Variants in COL4A3 observed in about 807,000 individuals in gnomAD.
The protein encoded by COL4A3 is collagen type IV alpha 3 chain.
A neutral mutation model predicts 217.4 loss-of-function variants in COL4A3; 135 were observed. That is an observed-to-expected ratio of 0.62 (90% CI 0.54 to 0.72). COL4A3 has a LOEUF of 0.72. Among genes scored for constraint, COL4A3 ranks in the 30% least tolerant of loss-of-function variants. The probability of loss-of-function intolerance (pLI) is 0.00; values close to 1 mark genes in which losing one functional copy is unlikely to be tolerated. For synonymous variants in COL4A3, 690 were observed against 736.3 expected (o/e 0.94, Z 1.02); for missense variants, 1,868 against 2,119.9 (o/e 0.88, Z 2.33).
At chr2:227,302,275 T>C (rs1272439802) in intron 43 of COL4A3, among the ~76,000 whole-genome samples, 1 of 152,212 alleles carries the variant, frequency 6.6e-6, no homozygotes, top group East Asian at 1.9e-4. Flanking sequence ...CCTACCATCA[T>C]GATCAAGTGT....
chr2:227,311,646 G>A (rs2073745181), intron 51 of COL4A3, 140 bp from the exon 52 acceptor site: 1 of 722,998 alleles, frequency 1.4e-6, no homozygotes, highest in East Asian at 3.0e-5. Flanking sequence ...CCAAATTGCT[G>A]GGATTACAGG....
At chr2:227,264,584 A>G (rs1213313913) in intron 21 of COL4A3, 1 of 155,406 alleles carries the variant, frequency 6.4e-6, no homozygotes, top group African/African-American at 2.4e-5. Context: ...GCATCCCTCT[A>G]GAGAGCCACT....
rs2106151987 is a variant in COL4A3, at chr2:227,280,546, G to A, written c.2330G>A (p.Gly777Asp). 1 of 1,614,116 alleles carries A rather than the reference G, an allele frequency of 6.2e-7. No homozygotes were observed. Among genetic ancestry groups the A allele is most frequent in the South Asian group, 1.1e-5 (1 of 91,068 alleles). Residue 777 changes from glycine to aspartate, a missense_variant, in exon 30 of 52, where the codon GGT (glycine) becomes GAT (aspartate). This residue lies in a region of COL4A3 where 1,503 missense variants were observed against 1,786.1 expected (regional missense o/e 0.84). Transcript: ENST00000396578. ...GAAATTGGACTCCCTGGACTTCCAG[G>A]TCTCCCTGGAACTCCAGGAAATGAA... ...HGEIGLPGLP[G>D]LPGTPGNEGL...
At chr2:227,184,985 T>C (rs943847195) in intron 1 of COL4A3, among the ~76,000 whole-genome samples, 7 of 136,918 alleles carry the variant, frequency 5.1e-5, no homozygotes, top group Non-Finnish European at 1.1e-4. Context: ...CACTGCAAGC[T>C]CCGCCTCCCA....
intron 44 of COL4A3, 46 bp downstream of exon 44, chr2:227,303,156 C>T: frequency 1.3e-6 from 2 of 1,511,774 alleles, no homozygotes; most frequent in Non-Finnish European, 1.8e-6. Context: ...ACCATAACCT[C>T]AATTCATATT....
rs182205024 is a variant in COL4A3, at chr2:227,176,432, T to C, written c.87+11619T>C. ...AGCATTTTGGTATTAATTATTGCGG[T>C]GAGATCATGACTTTAAAACTCGTAA... On this transcript the variant is annotated intron_variant, in intron 1 of 51. Transcript: ENST00000396578. 8.9e-3 allele frequency among the ~76,000 whole-genome samples: 1,348 copies of C among 152,316 alleles called. 13 individuals are homozygous for C. Among genetic ancestry groups the C allele is most frequent in the African/African-American group, 0.03 (1,260 of 41,562 alleles).
rs2066780130 is a variant in COL4A3 at position 227,202,865 on chromosome 2, A to ATACGTG, written c.88-35101_88-35100insCGTGTA. On this transcript the variant is annotated intron_variant, in intron 1 of 51. Coordinates refer to ENST00000396578, the MANE Select transcript of COL4A3 (RefSeq NM_000091.5). Reference sequence around the variant, plus strand: ...TATATACATATGTGTATATATACATATATGTGTATATATACATATGTGTAT... The same window carrying ATACGTG: ...TATATACATATGTGTATATATACATATACGTGTATGTGTATATATACATATGTGTAT... Among the ~76,000 whole-genome samples, 7 of 42,152 alleles carry ATACGTG rather than the reference A, an allele frequency of 1.7e-4. 1 individual carries two copies. Among genetic ancestry groups the ATACGTG allele is most frequent in the South Asian group, 8.9e-4 (1 of 1,120 alleles). The allele number at this position is 42,152 out of a possible 152,430, so 27.7% of individuals were successfully genotyped here.
chr2:227,181,001 G>A (rs935334392), intron 1 of COL4A3, among the ~76,000 whole-genome samples: 6 of 152,184 alleles, frequency 3.9e-5, no homozygotes, highest in Admixed American at 2.6e-4. Flanking sequence ...GGACTATCCC[G>A]ATTAAAAAAT....
At chr2:227,199,991 A>G (rs2066623135) in intron 1 of COL4A3, among the ~76,000 whole-genome samples, 1 of 152,226 alleles carries the variant, frequency 6.6e-6, no homozygotes, top group Non-Finnish European at 1.5e-5. Flanking sequence ...GTAGACATGT[A>G]TGGTTTGACC....
At chr2:227,186,695 AG>A (rs565845524) in intron 1 of COL4A3, among the ~76,000 whole-genome samples, 138 of 141,082 alleles carry the variant, frequency 9.8e-4, no homozygotes, top group Middle Eastern at 7.4e-3. Flanking sequence ...TCTGTTTTTG[AG>A]GGGGTATTCT....
intron 41 of COL4A3, among the ~76,000 whole-genome samples, chr2:227,296,725 A>G: frequency 6.6e-6 from 1 of 152,236 alleles, no homozygotes. Flanking sequence ...AGCATAAATT[A>G]CAGGCATTAA....
intron 1 of COL4A3, among the ~76,000 whole-genome samples, chr2:227,196,265 C>T (rs1431873541): frequency 6.6e-6 from 1 of 152,190 alleles, no homozygotes. Flanking sequence ...TAGCAACTTC[C>T]AGTCCTGCAA....
At chr2:227,202,933 G>C (rs1318963112) in intron 1 of COL4A3, among the ~76,000 whole-genome samples, 1 of 26,294 alleles carries the variant, frequency 3.8e-5, no homozygotes, top group Non-Finnish European at 6.1e-5. Flanking sequence ...GTGTATATAT[G>C]TGTATATATG....
chr2:227,203,795 A>G (rs990714897), intron 1 of COL4A3, among the ~76,000 whole-genome samples: 2 of 150,604 alleles, frequency 1.3e-5, no homozygotes, highest in African/African-American at 2.4e-5. Flanking sequence ...GTGTATATAT[A>G]TACACTACAG....
intron 36 of COL4A3, among the ~76,000 whole-genome samples, chr2:227,290,331 C>A (rs1397561250): frequency 6.6e-6 from 1 of 152,162 alleles, no homozygotes; most frequent in Non-Finnish European, 1.5e-5. Context: ...AACCCCATCT[C>A]TACTAAAGAT....
intron 1 of COL4A3, among the ~76,000 whole-genome samples, chr2:227,166,452 G>C (rs986168953): frequency 6.6e-6 from 1 of 152,226 alleles, no homozygotes; most frequent in African/African-American, 2.4e-5. Context: ...TAGAAGAACA[G>C]GAATGAGATT....
chr2:227,244,807 T>A, intron 4 of COL4A3, 144 bp from the exon 5 acceptor site: 1 of 861,728 alleles, frequency 1.2e-6, no homozygotes, highest in Non-Finnish European at 2.0e-6. Flanking sequence ...ACCTTTAGTA[T>A]TTGTTTTCCC....
At chr2:227,257,735 G>T in intron 18 of COL4A3, 91 bp downstream of exon 18, 1 of 1,105,838 alleles carries the variant, frequency 9.0e-7, no homozygotes, top group Non-Finnish European at 1.4e-6. Context: ...CTCATTAACT[G>T]TGTGAGAGAG....
chr2:227,248,547 T>A, intron 9 of COL4A3, 27 bp downstream of exon 9: 2 of 1,510,040 alleles, frequency 1.3e-6, no homozygotes, highest in South Asian at 2.2e-5. Context: ...AAGGTCCCTA[T>A]TATTCTCAGT....
Sources: gnomAD v4.1 joint callset for allele counts (sites outside exome capture counted in the v4.1 genomes callset) on GRCh38, gnomAD v4.1.1 for gene constraint, gnomAD v4.1.1 regional missense constraint, MANE v1.5 for transcripts, NCBI Gene and HGNC (gene_info 2026-07-23, HGNC 2026-07-21) for gene names.